The following HEPHL1 variants were observed in gnomAD, a reference collection of about 807,000 sequenced individuals.
HEPHL1 encodes the protein hephaestin like 1.
A neutral mutation model predicts 122.0 loss-of-function variants in HEPHL1; 123 were observed. The observed-to-expected ratio is 1.01, with a 90% CI of 0.87 to 1.17. The LOEUF (loss-of-function observed/expected upper bound fraction) is 1.17, where lower values mean the gene tolerates loss of function less well. Among genes scored for constraint, HEPHL1 ranks in the 50% most tolerant of loss-of-function variants. The pLI is 0.00. For synonymous variants in HEPHL1, 527 were observed against 508.9 expected (o/e 1.04, Z -0.48); for missense variants, 1,452 against 1,430.5 (o/e 1.01, Z -0.24).
At chr11:94,076,609 G>GA (rs36065571) in intron 9 of HEPHL1, among the ~76,000 whole-genome samples, 42,454 of 146,942 alleles carry the variant, frequency 0.29, 6,075 homozygotes, top group East Asian at 0.39. Context: ...CAAAATTCAT[G>GA]AAAAAAAAAA....
Position 94,045,876 on chromosome 11 carries a change from C to G in HEPHL1, c.374C>G (p.Ser125Cys), listed in dbSNP as rs779145324. Reference protein sequence around the residue: ...HLKNFASRPYSLHPHGVFYNK... With the variant: ...HLKNFASRPYCLHPHGVFYNK... ...AAGAACTTTGCTTCTCGACCTTACTCTCTGCATCCACATGGCGTTTTCTAC... is the reference window on the plus strand; with the variant it reads ...AAGAACTTTGCTTCTCGACCTTACTGTCTGCATCCACATGGCGTTTTCTAC... Residue 125 changes from serine to cysteine, a missense_variant, in exon 2 of 20, where the codon TCT becomes TGT. Coordinates refer to ENST00000315765, the MANE Select transcript of HEPHL1 (RefSeq NM_001098672.2). 6.6e-5 allele frequency: 107 copies of G among 1,613,760 alleles called. No individual in the cohort carries two copies. The highest frequency in any genetic ancestry group is 8.4e-5 in the Non-Finnish European group (99 of 1,179,826).
chr11:94,026,000 G>A (rs1253105121), intron 1 of HEPHL1, among the ~76,000 whole-genome samples: 2 of 152,164 alleles, frequency 1.3e-5, no homozygotes, highest in African/African-American at 4.8e-5. Flanking sequence ...TTAGGATTTT[G>A]TATTCATTTG....
At chr11:94,061,467 A>C (rs1945984703) in intron 2 of HEPHL1, among the ~76,000 whole-genome samples, 1 of 152,170 alleles carries the variant, frequency 6.6e-6, no homozygotes, top group South Asian at 2.1e-4. Context: ...AGAGTGGTCA[A>C]AGAGTATGAT....
chr11:94,051,515 AT>A (rs1945890311), intron 2 of HEPHL1, among the ~76,000 whole-genome samples: 1 of 151,596 alleles, frequency 6.6e-6, no homozygotes, highest in Non-Finnish European at 1.5e-5. Flanking sequence ...ATTTTTTCCT[AT>A]AGTGTTCCTT....
intron 2 of HEPHL1, among the ~76,000 whole-genome samples, chr11:94,060,947 G>C (rs911693009): frequency 2.6e-5 from 4 of 152,172 alleles, no homozygotes; most frequent in African/African-American, 9.7e-5. Flanking sequence ...GTCCAGGTGA[G>C]AGATGATGGT....
At chr11:94,079,755 G>T (rs763151966) in intron 9 of HEPHL1, among the ~76,000 whole-genome samples, 1 of 152,136 alleles carries the variant, frequency 6.6e-6, no homozygotes, top group African/African-American at 2.4e-5. Context: ...GCAGGAACCG[G>T]AATACCATTA....
intron 8 of HEPHL1, among the ~76,000 whole-genome samples, chr11:94,074,221 T>A (rs182311695): frequency 1.2e-4 from 19 of 152,244 alleles, no homozygotes; most frequent in Non-Finnish European, 2.2e-4. Context: ...GGACCCATCC[T>A]CACCCTCTCT....
In HEPHL1 at chr11:94,106,025, C is replaced by T; in HGVS notation, c.2940C>T (p.Gly980=). 2 of 1,598,214 alleles carry T rather than the reference C, an allele frequency of 1.3e-6. No homozygotes were observed. Among genetic ancestry groups the T allele is most frequent in the Non-Finnish European group, 1.7e-6 (2 of 1,169,258 alleles). ...INGKIFGNLH[G]LIMNEDTMTN... ...GAAAGATTTTTGGGAATCTCCATGG[C>T]CTCATAATGAACGAAGATACAATGA... Residue 980 remains glycine, a synonymous_variant, in exon 17 of 20, where the codon GGC becomes GGT. Transcript: ENST00000315765.
At chr11:94,048,916 T>C (rs1288298728) in intron 2 of HEPHL1, among the ~76,000 whole-genome samples, 1 of 152,028 alleles carries the variant, frequency 6.6e-6, no homozygotes, top group Non-Finnish European at 1.5e-5. Flanking sequence ...AGGTCGGGCA[T>C]TTGAGACCAG....
chr11:94,073,598 A>C (rs886872745), intron 8 of HEPHL1, among the ~76,000 whole-genome samples, 159 bp downstream of exon 8: 9 of 152,182 alleles, frequency 5.9e-5, no homozygotes, highest in African/African-American at 2.2e-4. Flanking sequence ...TGTCAAATGC[A>C]GATAACAATA....
intron 13 of HEPHL1, among the ~76,000 whole-genome samples, chr11:94,099,397 G>T (rs559557881): frequency 2.4e-4 from 37 of 152,282 alleles, no homozygotes; most frequent in African/African-American, 8.4e-4. Context: ...GGGGTGCCTG[G>T]CCGTGTGAGG....
intron 2 of HEPHL1, chr11:94,055,294 C>A: frequency 3.5e-6 from 1 of 288,688 alleles, no homozygotes; most frequent in South Asian, 4.0e-5. Flanking sequence ...TTCACTCCCA[C>A]CACTTCTGTG....
chr11:94,064,618 T>A, intron 4 of HEPHL1, 108 bp downstream of exon 4: 1 of 744,536 alleles, frequency 1.3e-6, no homozygotes, highest in Non-Finnish European at 2.2e-6. Context: ...GCATGATTTA[T>A]AACTCAGGGA....
At chr11:94,055,127 G>A in intron 2 of HEPHL1, 1 of 198,814 alleles carries the variant, frequency 5.0e-6, no homozygotes, top group Non-Finnish European at 1.0e-5. Flanking sequence ...TCCAGCTTGT[G>A]TAGCTCAATC....
chr11:94,049,340 A>AAACAAC (rs1172093855), intron 2 of HEPHL1, among the ~76,000 whole-genome samples: 1 of 151,974 alleles, frequency 6.6e-6, no homozygotes, highest in Non-Finnish European at 1.5e-5. Flanking sequence ...CAAAAAACAA[A>AAACAAC]AACAACCAGA....
intron 1 of HEPHL1, among the ~76,000 whole-genome samples, chr11:94,030,985 G>A (rs2460055): frequency 0.35 from 53,236 of 152,008 alleles, 10,184 homozygotes; most frequent in Admixed American, 0.44. Flanking sequence ...TGCTCCAGAG[G>A]CCAATCCCCT....
chr11:94,031,818 G>A (rs920325576), intron 1 of HEPHL1, among the ~76,000 whole-genome samples: 1 of 152,230 alleles, frequency 6.6e-6, no homozygotes, highest in Non-Finnish European at 1.5e-5. Context: ...ACCCTGGGAA[G>A]GTTAATAATC....
chr11:94,058,284 A>AT (rs953019191), intron 2 of HEPHL1, among the ~76,000 whole-genome samples: 4 of 152,058 alleles, frequency 2.6e-5, no homozygotes, highest in Middle Eastern at 3.4e-3. Flanking sequence ...ATGGTTTGTT[A>AT]TTTTTTTTAA....
At chr11:94,053,522 A>G (rs1945909331) in intron 2 of HEPHL1, among the ~76,000 whole-genome samples, 1 of 150,300 alleles carries the variant, frequency 6.7e-6, no homozygotes. Flanking sequence ...TTCCTTTTCT[A>G]GTTTCTTAAG....
Sources: allele counts gnomAD v4.1 joint callset (sites outside exome capture counted in the v4.1 genomes callset), GRCh38; gene constraint gnomAD v4.1.1; transcripts MANE v1.5; gene names NCBI Gene and HGNC (gene_info 2026-07-23, HGNC 2026-07-21).